CAMK1D: variants seen among roughly 807,000 people sequenced by gnomAD.
The protein encoded by CAMK1D is calcium/calmodulin-dependent protein kinase type 1D.
A neutral mutation model predicts 47.7 loss-of-function variants in CAMK1D; 9 were observed. The ratio of observed to expected loss-of-function variants is 0.19; its 90% CI spans 0.11 to 0.33. The LOEUF (loss-of-function observed/expected upper bound fraction) is 0.33, where lower values mean the gene tolerates loss of function less well. CAMK1D is among the 10% of genes least tolerant of loss of function. The pLI is 1.00. For synonymous variants in CAMK1D, 184 were observed against 184.9 expected (o/e 0.99, Z 0.04); for missense variants, 291 against 488.7 (o/e 0.60, Z 3.81).
chr10:12,747,716 G>A (rs540187480), intron 3 of CAMK1D, among the ~76,000 whole-genome samples: 5 of 152,230 alleles, frequency 3.3e-5, no homozygotes, highest in East Asian at 1.9e-4. Flanking sequence ...TGGAGACCCC[G>A]GAGAGCTGAT....
chr10:12,496,664 C>A (rs1246223072), intron 1 of CAMK1D, among the ~76,000 whole-genome samples: 1 of 152,122 alleles, frequency 6.6e-6, no homozygotes, highest in Non-Finnish European at 1.5e-5. Flanking sequence ...TGTGACAATA[C>A]CAAATTTTCG....
At chr10:12,534,587 G>A (rs956629713) in intron 1 of CAMK1D, among the ~76,000 whole-genome samples, 2 of 152,140 alleles carry the variant, frequency 1.3e-5, no homozygotes, top group African/African-American at 4.8e-5. Flanking sequence ...GACTGGTCTC[G>A]AACTCTTGAC....
At chr10:12,707,431 C>G (rs1358666246) in intron 3 of CAMK1D, among the ~76,000 whole-genome samples, 1 of 152,112 alleles carries the variant, frequency 6.6e-6, no homozygotes. Context: ...CATCCCATAT[C>G]CTCTTCCCAA....
At chr10:12,575,572 C>T (rs1000652461) in intron 2 of CAMK1D, among the ~76,000 whole-genome samples, 2 of 152,196 alleles carry the variant, frequency 1.3e-5, no homozygotes, top group African/African-American at 2.4e-5. Flanking sequence ...AGTGGGTAGA[C>T]AAGATGGTCC....
At chr10:12,381,922 T>TAAAAGAAA (rs901966412) in intron 1 of CAMK1D, among the ~76,000 whole-genome samples, 4 of 151,900 alleles carry the variant, frequency 2.6e-5, no homozygotes, top group African/African-American at 9.7e-5. Flanking sequence ...TAAAACGTTT[T>TAAAAGAAA]AAAAGAAAAA....
intron 2 of CAMK1D, among the ~76,000 whole-genome samples, chr10:12,599,778 T>C (rs1461589373): frequency 2.0e-5 from 3 of 152,248 alleles, no homozygotes; most frequent in African/African-American, 7.2e-5. Context: ...AGAGGAGGGC[T>C]TGCAGCCTCC....
At chr10:12,764,578 T>C (rs1354842629) in intron 4 of CAMK1D, among the ~76,000 whole-genome samples, 2 of 151,812 alleles carry the variant, frequency 1.3e-5, no homozygotes, top group African/African-American at 4.8e-5. Flanking sequence ...TCACTTACTC[T>C]CCTCTCCTTA....
chr10:12,463,942 T>A (rs1395309876), intron 1 of CAMK1D, among the ~76,000 whole-genome samples: 1 of 152,140 alleles, frequency 6.6e-6, no homozygotes, highest in Non-Finnish European at 1.5e-5. Context: ...GTGAAGAAGA[T>A]GCCTTGCTTC....
chr10:12,491,231 T>G (rs570422165), intron 1 of CAMK1D, among the ~76,000 whole-genome samples: 36 of 152,204 alleles, frequency 2.4e-4, no homozygotes, highest in African/African-American at 8.2e-4. Context: ...AGGAAATCCC[T>G]GGGAACATTT....
chr10:12,439,881 G>A (rs1423074544), intron 1 of CAMK1D, among the ~76,000 whole-genome samples: 1 of 152,184 alleles, frequency 6.6e-6, no homozygotes, highest in Non-Finnish European at 1.5e-5. Context: ...GAAGGCAAAA[G>A]GCACATCTTA....
intron 3 of CAMK1D, among the ~76,000 whole-genome samples, chr10:12,685,040 TGGC>T (rs1832597006): frequency 1.3e-5 from 2 of 150,076 alleles, no homozygotes; most frequent in Admixed American, 6.6e-5. Flanking sequence ...CTGGGCGCGG[TGGC>T]TCACGCCAAC....
Position 12,666,722 on chromosome 10 carries a change from ATT to A in CAMK1D, c.225-5_225-4del. On this transcript the variant is annotated splice_polypyrimidine_tract_variant and intron_variant, in intron 2 of 10. Transcript: ENST00000619168. ...ATCATACTCACTATTTTGTGCGTCT[ATT>A]TTTTTTTTCAGGATTAAGCATGAAA... 2.1e-6 allele frequency: 3 copies of A among 1,407,790 alleles called. No homozygotes were observed. The highest frequency in any genetic ancestry group is 1.3e-5 in the South Asian group (1 of 77,216). 87.2% of individuals were successfully genotyped at this position (1,407,790 alleles called of 1,614,324 possible).
At chr10:12,435,282 C>T (rs1385207204) in intron 1 of CAMK1D, among the ~76,000 whole-genome samples, 3 of 150,676 alleles carry the variant, frequency 2.0e-5, no homozygotes, top group African/African-American at 7.3e-5. Flanking sequence ...CAATTGCAGT[C>T]CCTGAACAAG....
chr10:12,540,687 C>A (rs143712587), intron 1 of CAMK1D, among the ~76,000 whole-genome samples: 4 of 152,164 alleles, frequency 2.6e-5, no homozygotes, highest in Non-Finnish European at 5.9e-5. Flanking sequence ...TTAAGCTAAT[C>A]GTGTGGGTAT....
intron 1 of CAMK1D, among the ~76,000 whole-genome samples, chr10:12,421,511 C>CTTTTTTTTTTTTT (rs71384322): frequency 3.9e-5 from 2 of 50,750 alleles, no homozygotes; most frequent in African/African-American, 8.5e-5. Context: ...ATCCAGGATT[C>CTTTTTTTTTTTTT]TTTTTTTTTT....
chr10:12,578,335 C>G lies in CAMK1D; in HGVS notation c.224+24979C>G, dbSNP rs73572215. On this transcript the variant is annotated intron_variant, in intron 2 of 10. Transcript: ENST00000619168. Reference sequence around the variant, plus strand: ...CTTAGGCAGCCAGCACTTGGGGAGGCTTAGGCGGATGGATCACCTGAGGTC... The same window carrying G: ...CTTAGGCAGCCAGCACTTGGGGAGGGTTAGGCGGATGGATCACCTGAGGTC... Among the ~76,000 whole-genome samples, 367 of 152,252 alleles carry G rather than the reference C, an allele frequency of 2.4e-3. 1 individual carries two copies. The highest frequency in any genetic ancestry group is 8.6e-3 in the African/African-American group (357 of 41,544).
chr10:12,688,377 A>G (rs1832739048), intron 3 of CAMK1D, among the ~76,000 whole-genome samples: 1 of 152,226 alleles, frequency 6.6e-6, no homozygotes, highest in Non-Finnish European at 1.5e-5. Flanking sequence ...TCATTTATTG[A>G]AATATGATTA....
At chr10:12,429,277 T>A (rs1840359749) in intron 1 of CAMK1D, among the ~76,000 whole-genome samples, 1 of 152,058 alleles carries the variant, frequency 6.6e-6, no homozygotes, top group African/African-American at 2.4e-5. Context: ...GAATGCCACC[T>A]CCTCCAGGCA....
rs369913131 is a variant in CAMK1D at position 12,698,751 on chromosome 10, T to C, written c.299+31941T>C. Among the ~76,000 whole-genome samples, 19 of 144,726 alleles carry C rather than the reference T, an allele frequency of 1.3e-4. 1 individual carries two copies. The highest frequency in any genetic ancestry group is 8.0e-4 in the Admixed American group (11 of 13,706). The allele number at this position is 144,726 out of a possible 152,430, so 94.9% of individuals were successfully genotyped here. A position where few individuals can be genotyped will look rare whatever the true frequency, so the allele number is the denominator to read the frequency against. On this transcript the variant is annotated intron_variant, in intron 3 of 10. Coordinates refer to ENST00000619168, the MANE Select transcript of CAMK1D (RefSeq NM_153498.4). The stretch of plus-strand genomic sequence containing the variant: ...GCAGTGGTGTGATCTCGGCTCACTG[T>C]ATCCTCCGCCTCCTGGATTGAAGCG...
Sources: allele counts gnomAD v4.1 joint callset (sites outside exome capture counted in the v4.1 genomes callset), GRCh38; gene constraint gnomAD v4.1.1; transcripts MANE v1.5; gene names NCBI Gene and HGNC (gene_info 2026-07-23, HGNC 2026-07-21).